The following TEKT5 variants were observed in gnomAD, a reference collection of about 807,000 sequenced individuals.
The protein encoded by TEKT5 is tektin 5.
A neutral mutation model predicts 48.7 loss-of-function variants in TEKT5; 52 were observed. The observed-to-expected ratio is 1.07, with a 90% CI of 0.86 to 1.35. The LOEUF is 1.35. Ranked by LOEUF, TEKT5 falls within the 40% of genes most tolerant of loss-of-function variation. The probability of loss-of-function intolerance (pLI) is 0.00; values close to 1 mark genes in which losing one functional copy is unlikely to be tolerated. For synonymous variants in TEKT5, 318 were observed against 267.6 expected, an observed-to-expected ratio of 1.19 and a Z score of -1.84; for missense variants, 831 against 641.6, an observed-to-expected ratio of 1.30 and a Z score of -3.19.
In TEKT5 at chr16:10,659,311, G is replaced by A. The variant is rs186743378; in HGVS notation, c.1086+16648C>T. 3.3e-5 allele frequency among the ~76,000 whole-genome samples: 5 copies of A among 152,294 alleles called. 1 individual carries two copies. Among genetic ancestry groups the A allele is most frequent in the Admixed American group, 3.3e-4 (5 of 15,302 alleles). On this transcript the variant is annotated intron_variant, in intron 5 of 6. Transcript: ENST00000283025. ...TGTACAACTATTATGTCTCCATAATGACTAACCATTTTTTAAAATTTGAAG... is the reference window on the plus strand; with the variant it reads ...TGTACAACTATTATGTCTCCATAATAACTAACCATTTTTTAAAATTTGAAG...
Position 10,676,061 on chromosome 16 carries a change from C to G in TEKT5, c.984G>C (p.Ser328=), listed in dbSNP as rs1171439092. 1.2e-6 allele frequency: 2 copies of G among 1,614,202 alleles called. No individual in the cohort carries two copies. Among genetic ancestry groups the G allele is most frequent in the South Asian group, 2.2e-5 (2 of 91,080 alleles). The change falls in exon 5 of 7, where the codon TCG becomes TCC. Residue 328 remains serine, a synonymous_variant. Transcript: ENST00000283025. ...EEAEHLFETL[S]DQMWRQFTDT... is the part of the protein sequence containing the mutation. ...CTGTGAACTGCCTCCACATCTGATC[C>G]GACAAGGTCTCAAAGAGGTGCTCCG...
chr16:10,628,405 A>G (rs532714153), intron 6 of TEKT5, among the ~76,000 whole-genome samples: 3 of 152,368 alleles, frequency 2.0e-5, no homozygotes, highest in Admixed American at 6.5e-5. Flanking sequence ...CTTACCACAC[A>G]GTCCAGCAGT....
chr16:10,635,859 C>T lies in TEKT5; in HGVS notation c.1146G>A (p.Met382Ile), dbSNP rs2142259048. 6.2e-7 allele frequency: 1 copy of T among 1,614,138 alleles called. No homozygotes were observed. The highest frequency in any genetic ancestry group is 8.5e-7 in the Non-Finnish European group (1 of 1,180,034). The change falls in exon 6 of 7, where the codon ATG (methionine) becomes ATA (isoleucine). Residue 382 changes from methionine to isoleucine, a missense_variant. Physicochemically the swap from Met to Ile is conservative, Grantham distance 10 (BLOSUM62 1). Coordinates refer to ENST00000283025, the MANE Select transcript of TEKT5 (RefSeq NM_144674.2). ...NTIMLLERSI[M>I]AKEGPLKVAQ... ...CCACCTTCAGCGGGCCCTCCTTGGC[C>T]ATGATGGACCTTTCCAGCAGCATGA...
chr16:10,682,186 C>A, intron 3 of TEKT5, 50 bp from the exon 4 acceptor site: 1 of 1,588,376 alleles, frequency 6.3e-7, no homozygotes, highest in Non-Finnish European at 8.6e-7. Context: ...CACAGAGTAC[C>A]CAGCTTGGGC....
intron 4 of TEKT5, among the ~76,000 whole-genome samples, chr16:10,678,991 A>G (rs979430724): frequency 6.6e-6 from 1 of 152,162 alleles, no homozygotes; most frequent in Non-Finnish European, 1.5e-5. Flanking sequence ...CAGGCTCAGT[A>G]TTCAATGTAG....
intron 6 of TEKT5, among the ~76,000 whole-genome samples, chr16:10,629,791 A>G (rs1897811311): frequency 6.6e-6 from 1 of 152,192 alleles, no homozygotes; most frequent in South Asian, 2.1e-4. Context: ...CTCAGGTACA[A>G]AGGGCCTCTG....
chr16:10,690,684 C>T (rs545850572), intron 1 of TEKT5: 16 of 985,424 alleles, frequency 1.6e-5, no homozygotes, highest in Non-Finnish European at 1.9e-5. Context: ...TGCCACCTAG[C>T]CCTGGGCCTT....
chr16:10,659,446 C>T (rs1013440963), intron 5 of TEKT5, among the ~76,000 whole-genome samples: 7 of 152,178 alleles, frequency 4.6e-5, no homozygotes, highest in Non-Finnish European at 1.0e-4. Flanking sequence ...GTGGTGCAAT[C>T]TCGGCTCACT....
At chr16:10,666,936 T>C (rs1022725824) in intron 5 of TEKT5, among the ~76,000 whole-genome samples, 6 of 151,586 alleles carry the variant, frequency 4.0e-5, no homozygotes, top group Non-Finnish European at 5.9e-5. Flanking sequence ...GGGATTCCGA[T>C]GAAATGAACT....
chr16:10,635,982 C>T (rs938364926), intron 5 of TEKT5, 64 bp from the exon 6 acceptor site: 46 of 1,584,540 alleles, frequency 2.9e-5, no homozygotes, highest in Non-Finnish European at 3.8e-5. Flanking sequence ...GACTGGGGGC[C>T]TGGGGGGAGC....
chr16:10,674,825 A>ATT (rs58966813), intron 5 of TEKT5, among the ~76,000 whole-genome samples: 4 of 140,932 alleles, frequency 2.8e-5, no homozygotes, highest in African/African-American at 5.2e-5. Context: ...CACAGTTCTT[A>ATT]TTTTTTTTTT....
chr16:10,630,986 T>C (rs1897830585), intron 6 of TEKT5, among the ~76,000 whole-genome samples: 1 of 151,868 alleles, frequency 6.6e-6, no homozygotes, highest in Non-Finnish European at 1.5e-5. Context: ...AAGTGGCAGA[T>C]CACTTGAGGT....
intron 4 of TEKT5, among the ~76,000 whole-genome samples, chr16:10,680,505 C>T (rs1233437108): frequency 2.6e-5 from 4 of 151,756 alleles, no homozygotes; most frequent in Admixed American, 6.6e-5. Flanking sequence ...ATAGACTCCA[C>T]CCTCTTTCTC....
chr16:10,668,676 G>A (rs917657634), intron 5 of TEKT5, among the ~76,000 whole-genome samples: 1 of 152,292 alleles, frequency 6.6e-6, no homozygotes, highest in East Asian at 1.9e-4. Context: ...AACAATGGCT[G>A]CTTGGGAGTC....
At chr16:10,689,400 TCTCCC>T in intron 2 of TEKT5, 77 bp from the exon 3 acceptor site, 1 of 1,313,688 alleles carries the variant, frequency 7.6e-7, no homozygotes, top group Non-Finnish European at 1.1e-6. Flanking sequence ...AGCCCTCAGC[TCTCCC>T]CTCCCCTCTC....
chr16:10,692,860 G>C (rs1177264771), intron 1 of TEKT5: 1 of 152,304 alleles, frequency 6.6e-6, no homozygotes, highest in Non-Finnish European at 1.5e-5. Context: ...TGGCAGAACA[G>C]AGAGAGGAGC....
rs547561342 is a variant in TEKT5, at chr16:10,662,641, C to T, written c.1086+13318G>A. 2.6e-5 allele frequency among the ~76,000 whole-genome samples: 4 copies of T among 152,332 alleles called. No individual in the cohort carries two copies. In the East Asian group the frequency reaches 7.7e-4, roughly 29 times the overall value. ...ACGTATCCTTGTACTTTCTCCAATA[C>T]ATCTGCCTTTCTTTACCCATGACTA... is the stretch of plus-strand genomic sequence containing the variant. On this transcript the variant is annotated intron_variant, in intron 5 of 6. Coordinates refer to ENST00000283025, the MANE Select transcript of TEKT5 (RefSeq NM_144674.2).
intron 6 of TEKT5, among the ~76,000 whole-genome samples, chr16:10,628,799 G>C (rs934459935): frequency 3.3e-5 from 5 of 151,468 alleles, no homozygotes; most frequent in South Asian, 2.1e-4. Flanking sequence ...CCAGCTACTC[G>C]AGAGGCTGAG....
intron 4 of TEKT5, among the ~76,000 whole-genome samples, chr16:10,681,325 C>T (rs559066435): frequency 1.8e-3 from 267 of 152,016 alleles, no homozygotes; most frequent in African/African-American, 6.1e-3. Context: ...TCAGTGTTAG[C>T]GTAGAGGCTG....
Sources: allele counts gnomAD v4.1 joint callset (sites outside exome capture counted in the v4.1 genomes callset), GRCh38; gene constraint gnomAD v4.1.1; transcripts MANE v1.5; gene names NCBI Gene and HGNC (gene_info 2026-07-23, HGNC 2026-07-21).